MMD2: variants seen among roughly 807,000 people sequenced by gnomAD.
MMD2 encodes monocyte to macrophage differentiation factor 2.
MMD2 carries 30 observed loss-of-function variants against 33.5 expected under a neutral mutation model. The ratio of observed to expected loss-of-function variants is 0.90; its 90% CI spans 0.67 to 1.22. The LOEUF (loss-of-function observed/expected upper bound fraction) is 1.22. Ranked by LOEUF, MMD2 falls within the 50% of genes most tolerant of loss-of-function variation. MMD2 has a pLI of 0.00. For synonymous variants in MMD2, 129 were observed against 123.0 expected (o/e 1.05, Z -0.32); for missense variants, 364 against 325.4 (o/e 1.12, Z -0.91).
chr7:4,947,063 C>T (rs1216768948), intron 1 of MMD2, among the ~76,000 whole-genome samples: 1 of 151,926 alleles, frequency 6.6e-6, no homozygotes, highest in African/African-American at 2.4e-5. Context: ...CAAAAATTAC[C>T]TTGGTGTGGT....
intron 2 of MMD2, among the ~76,000 whole-genome samples, chr7:4,924,773 A>G (rs1785378845): frequency 6.6e-6 from 1 of 152,192 alleles, no homozygotes; most frequent in South Asian, 2.1e-4. Context: ...GTGCAAAGGC[A>G]TGGAGTCATG....
At chr7:4,917,193 C>T (rs1265468332) in intron 3 of MMD2, among the ~76,000 whole-genome samples, 1 of 151,262 alleles carries the variant, frequency 6.6e-6, no homozygotes, top group Non-Finnish European at 1.5e-5. Flanking sequence ...GGCCTGGGTT[C>T]GAATTCCAGC....
At chr7:4,905,152 G>C (rs565672718), downstream of MMD2, among the ~76,000 whole-genome samples, 2 of 152,178 alleles carry the variant, frequency 1.3e-5, no homozygotes, top group Middle Eastern at 3.4e-3. This position sits in a 1 kb window ranked among gnomAD's most constrained non-coding sequence, Gnocchi z 5.0. Flanking sequence ...GTCAGACTGA[G>C]GAGTCAGCAG....
chr7:4,943,904 T>C (rs1785980035), intron 1 of MMD2, among the ~76,000 whole-genome samples: 1 of 151,474 alleles, frequency 6.6e-6, no homozygotes, highest in Non-Finnish European at 1.5e-5. Context: ...TGGGCTCAAG[T>C]GATCCTCCCA....
At chr7:4,911,819 T>TA (rs1785022442) in intron 4 of MMD2, among the ~76,000 whole-genome samples, 1 of 152,100 alleles carries the variant, frequency 6.6e-6, no homozygotes, top group Admixed American at 6.6e-5. Context: ...CGGCTAATTT[T>TA]GTATTTTTAG....
chr7:4,947,443 G>A (rs1011038359), intron 1 of MMD2, among the ~76,000 whole-genome samples: 1 of 151,418 alleles, frequency 6.6e-6, no homozygotes, highest in African/African-American at 2.4e-5. Flanking sequence ...GCACAGGCTG[G>A]AGTGCAGTGG....
intron 1 of MMD2, among the ~76,000 whole-genome samples, chr7:4,943,581 A>G (rs1159073173): frequency 6.6e-6 from 1 of 152,016 alleles, no homozygotes; most frequent in East Asian, 1.9e-4. Flanking sequence ...TAGGCTGAGC[A>G]CTCACACTGT....
intron 1 of MMD2, among the ~76,000 whole-genome samples, chr7:4,945,185 T>TTTCTTCCTCTTCTTCTTCTTCTTCTTC (rs1786025888): frequency 1.1e-5 from 1 of 93,480 alleles, no homozygotes; most frequent in Admixed American, 1.3e-4. Context: ...CCTCTTCCTC[T>TTTCTTCCTCTTCTTCTTCTTCTTCTTC]TTCTTCTTCT....
At chr7:4,934,225 C>T (rs541164324) in intron 1 of MMD2, among the ~76,000 whole-genome samples, 2 of 152,062 alleles carry the variant, frequency 1.3e-5, no homozygotes, top group African/African-American at 2.4e-5. Flanking sequence ...CCACTATGCC[C>T]GGCCCACAAT....
intron 1 of MMD2, among the ~76,000 whole-genome samples, chr7:4,938,071 G>A (rs1337880523): frequency 8.1e-6 from 1 of 124,000 alleles, no homozygotes; most frequent in Non-Finnish European, 1.6e-5. Context: ...GAGTGCAATG[G>A]CACGATCTCA....
intron 1 of MMD2, among the ~76,000 whole-genome samples, chr7:4,935,634 A>T (rs1284411085): frequency 7.5e-6 from 1 of 133,052 alleles, no homozygotes; most frequent in Non-Finnish European, 1.6e-5. Flanking sequence ...GCCATGATTG[A>T]GCCACTGCAC....
At chr7:4,908,476 G>C (rs941032798) in intron 6 of MMD2, among the ~76,000 whole-genome samples, 1 of 152,046 alleles carries the variant, frequency 6.6e-6, no homozygotes, top group African/African-American at 2.4e-5. Flanking sequence ...TAATACATCT[G>C]GGTATATACC....
intron 2 of MMD2, among the ~76,000 whole-genome samples, chr7:4,920,688 T>TCCTC (rs138036120): frequency 2.3e-4 from 20 of 87,900 alleles, no homozygotes; most frequent in South Asian, 5.0e-4. Flanking sequence ...CCTCCCTCTC[T>TCCTC]CCTCCCTCCC....
chr7:4,941,430 G>C (rs568333613), intron 1 of MMD2, among the ~76,000 whole-genome samples: 67 of 152,300 alleles, frequency 4.4e-4, no homozygotes, highest in Middle Eastern at 3.4e-3. Flanking sequence ...AGGAATTCAA[G>C]ACCAGCCTGG....
intron 1 of MMD2, among the ~76,000 whole-genome samples, chr7:4,944,126 T>G (rs1340375775): frequency 3.3e-5 from 5 of 151,440 alleles, no homozygotes; most frequent in Admixed American, 6.6e-5. Context: ...AATGTAAAAA[T>G]TAGCTGGGTA....
chr7:4,924,957 G>T (rs946633928), intron 2 of MMD2, among the ~76,000 whole-genome samples: 4 of 152,070 alleles, frequency 2.6e-5, no homozygotes, highest in African/African-American at 7.2e-5. Flanking sequence ...TTGAGACAGG[G>T]TCTTGCTCTG....
At chr7:4,916,216 T>C in intron 3 of MMD2, 137 bp from the exon 4 acceptor site, 1 of 702,034 alleles carries the variant, frequency 1.4e-6, no homozygotes, top group East Asian at 2.7e-5. Flanking sequence ...CCAAGACCCC[T>C]TGGCCCTCAG....
At chr7:4,935,590 T>A (rs1420053736) in intron 1 of MMD2, among the ~76,000 whole-genome samples, 1 of 141,654 alleles carries the variant, frequency 7.1e-6, no homozygotes, top group Non-Finnish European at 1.5e-5. Context: ...GGTGGGAGGA[T>A]CACTGGAGCC....
At chr7:4,911,042 A>G (rs1253445383) in intron 5 of MMD2, 103 bp downstream of exon 5, 10 of 993,406 alleles carry the variant, frequency 1.0e-5, no homozygotes, top group African/African-American at 1.6e-5. Flanking sequence ...CTGTGCTCTC[A>G]CGATTATGAG....
Sources: allele counts gnomAD v4.1 joint callset (sites outside exome capture counted in the v4.1 genomes callset), GRCh38; gene constraint gnomAD v4.1.1; non-coding constraint Gnocchi (gnomAD v3.1); transcripts MANE v1.5; gene names NCBI Gene and HGNC (gene_info 2026-07-23, HGNC 2026-07-21).